Variants in ZNF638 observed in about 807,000 individuals in gnomAD.
ZNF638 encodes the protein CTCL tumor antigen se33-1.
A neutral mutation model predicts 195.6 loss-of-function variants in ZNF638; 46 were observed. That is an observed-to-expected ratio of 0.24 (90% CI 0.19 to 0.30). The LOEUF (loss-of-function observed/expected upper bound fraction) is 0.30, where lower values mean the gene tolerates loss of function less well. Among genes scored for constraint, ZNF638 ranks in the 10% least tolerant of loss-of-function variants. The pLI is 1.00. For synonymous variants in ZNF638, 845 were observed against 772.0 expected (o/e 1.09, Z -1.57); for missense variants, 2,440 against 2,325.3 (o/e 1.05, Z -1.01).
chr2:71,394,801 A>G (rs938397249), intron 10 of ZNF638, among the ~76,000 whole-genome samples: 1 of 152,170 alleles, frequency 6.6e-6, no homozygotes, highest in African/African-American at 2.4e-5. Context: ...GCTTTTGTAG[A>G]TAACTTGGCC....
chr2:71,376,103 G>C (rs917785482), intron 8 of ZNF638: 1 of 152,158 alleles, frequency 6.6e-6, no homozygotes, highest in Non-Finnish European at 1.5e-5. Flanking sequence ...TGATGAAGTT[G>C]GTAAAGTAGC....
At chr2:71,350,774 G>C (rs2078926249) in intron 2 of ZNF638, among the ~76,000 whole-genome samples, 1 of 152,164 alleles carries the variant, frequency 6.6e-6, no homozygotes, top group South Asian at 2.1e-4. Context: ...GTGATTTTTA[G>C]TATTTTTTGA....
At chr2:71,351,880 A>G (rs993526037) in intron 2 of ZNF638, among the ~76,000 whole-genome samples, 23 of 152,168 alleles carry the variant, frequency 1.5e-4, no homozygotes, top group Non-Finnish European at 2.8e-4. Flanking sequence ...TGTAGGGGAC[A>G]GAGATTTCTG....
Position 71,369,987 on chromosome 2 carries a change from A to T in ZNF638, c.2247A>T (p.Pro749=). The part of the protein sequence containing the change: ...IKGKSVKICV[P]GKKKAQNKEV... ...GAAAAAGTGTGAAAATATGTGTTCCAGGAAAGAAAAAAGCACAGGTAATCT... is the reference window on the plus strand; with the variant it reads ...GAAAAAGTGTGAAAATATGTGTTCCTGGAAAGAAAAAAGCACAGGTAATCT... Residue 749 remains proline (P), a synonymous_variant, in exon 8 of 28, where the codon CCA becomes CCT. Coordinates refer to ENST00000264447, the MANE Select transcript of ZNF638 (RefSeq NM_014497.5). 6.3e-7 allele frequency: 1 copy of T among 1,594,826 alleles called. No homozygotes were observed.
At chr2:71,346,216 A>G (rs2078848628) in intron 1 of ZNF638, among the ~76,000 whole-genome samples, 1 of 152,210 alleles carries the variant, frequency 6.6e-6, no homozygotes, top group African/African-American at 2.4e-5. Context: ...ACCAAATGGA[A>G]TAAGTGGTTC....
At chr2:71,391,037 T>C (rs541597744) in intron 10 of ZNF638, among the ~76,000 whole-genome samples, 1 of 152,152 alleles carries the variant, frequency 6.6e-6, no homozygotes, top group Non-Finnish European at 1.5e-5. Flanking sequence ...CAGTGGCCTT[T>C]AAAGGGAGGG....
chr2:71,346,973 G>A (rs557529257), intron 1 of ZNF638, among the ~76,000 whole-genome samples: 10 of 152,100 alleles, frequency 6.6e-5, no homozygotes, highest in South Asian at 4.2e-4. Context: ...GCAGTGAGCC[G>A]AGATTGCGCC....
At chr2:71,426,324 A>T in intron 23 of ZNF638, 136 bp from the exon 24 acceptor site, 1 of 639,612 alleles carries the variant, frequency 1.6e-6, no homozygotes, top group South Asian at 2.5e-5. Context: ...AACAACTCTT[A>T]ATTTTAGCCT....
In ZNF638 at chr2:71,365,674, G is replaced by T; in HGVS notation, c.1963G>T (p.Val655Leu). ...TGACACTTTGTCAGAATGTAAACAG[G>T]TGTCTGATAAAGCTGTTTCTCTCCA... is the stretch of plus-strand genomic sequence containing the variant. The part of the protein sequence containing the change: ...EDDTLSECKQ[V>L]SDKAVSLQRK... Residue 655 changes from valine to leucine, a missense_variant, in exon 6 of 28, where the codon GTG (valine) becomes TTG (leucine). Physicochemically the swap from Val to Leu is conservative, Grantham distance 32 (BLOSUM62 1). Around this residue, in one of 5 missense-constraint regions of ZNF638, gnomAD observed 1,883 missense variants for 1,739.1 expected, o/e 1.08. Coordinates refer to ENST00000264447, the MANE Select transcript of ZNF638 (RefSeq NM_014497.5). 1 of 1,613,438 alleles carries T rather than the reference G, an allele frequency of 6.2e-7. No homozygotes were observed. The highest frequency in any genetic ancestry group is 8.5e-7 in the Non-Finnish European group (1 of 1,179,682).
chr2:71,356,044 C>G (rs2542500), intron 3 of ZNF638, among the ~76,000 whole-genome samples: 14,997 of 152,178 alleles, frequency 0.099, 800 homozygotes, highest in Non-Finnish European at 0.12. Context: ...GCTGGCTTAC[C>G]TTCCCCAGGA....
At chr2:71,381,597 A>G (rs185578330) in intron 10 of ZNF638, among the ~76,000 whole-genome samples, 2 of 152,262 alleles carry the variant, frequency 1.3e-5, no homozygotes, top group East Asian at 3.9e-4. Context: ...CATGCTGAGA[A>G]GTTTTCAAAT....
In ZNF638 at chr2:71,423,773, C is replaced by T; in HGVS notation, c.4259C>T (p.Ser1420Phe). The change falls in exon 22 of 28, where the codon TCT (serine) becomes TTT (phenylalanine). Residue 1420 changes from serine to phenylalanine, a missense_variant. Coordinates refer to ENST00000264447, the MANE Select transcript of ZNF638 (RefSeq NM_014497.5). The stretch of plus-strand genomic sequence containing the variant: ...GAAAATCAGAAAAGTTTTCCAAAAT[C>T]TGTGCCCAGAGATCAAATAAATGCT... ...KTENQKSFPK[S>F]VPRDQINAEK... 6.2e-7 allele frequency: 1 copy of T among 1,614,008 alleles called. No homozygotes were observed. Among genetic ancestry groups the T allele is most frequent in the South Asian group, 1.1e-5 (1 of 91,074 alleles).
chr2:71,377,117 T>TA (rs1028885427), intron 8 of ZNF638, among the ~76,000 whole-genome samples: 2 of 151,896 alleles, frequency 1.3e-5, no homozygotes, highest in Non-Finnish European at 2.9e-5. Context: ...TTCAAAAAAT[T>TA]AAAAAATTGA....
intron 10 of ZNF638, among the ~76,000 whole-genome samples, chr2:71,392,138 T>G (rs1403176412): frequency 2.0e-5 from 3 of 152,232 alleles, no homozygotes; most frequent in African/African-American, 4.8e-5. Context: ...TTCGAAGTAG[T>G]CTTGCTCCAT....
At chr2:71,361,687 A>G (rs1269058306) in intron 3 of ZNF638, 3 of 152,234 alleles carry the variant, frequency 2.0e-5, no homozygotes, top group South Asian at 4.1e-4. Context: ...CAATATATCT[A>G]TTCTCAAAGT....
intron 1 of ZNF638, among the ~76,000 whole-genome samples, chr2:71,341,210 A>G (rs1429619436): frequency 6.6e-6 from 1 of 152,170 alleles, no homozygotes; most frequent in Non-Finnish European, 1.5e-5. Context: ...AGTTTCTACT[A>G]TGTTTCTGAA....
chr2:71,406,109 G>A lies in ZNF638; in HGVS notation c.3001-19G>A, dbSNP rs1443960430. ...CTTCAGCTGTGGTTTTTTCTGTGCT[G>A]TCTCTTAAAAAACTACAGGCAAACA... On this transcript the variant is annotated intron_variant, in intron 18 of 27. Transcript: ENST00000264447. The A allele has an allele frequency of 6.2e-7, 1 of 1,612,090 alleles. No homozygotes were observed.
At chr2:71,433,129 T>C (rs1233341209) in intron 26 of ZNF638, 36 bp from the exon 27 acceptor site, 7 of 1,362,180 alleles carry the variant, frequency 5.1e-6, no homozygotes, top group East Asian at 2.3e-5. Flanking sequence ...AGATTAATTA[T>C]TGTTAATTTT....
At chr2:71,425,451 G>A (rs1177413258) in intron 23 of ZNF638, among the ~76,000 whole-genome samples, 1 of 151,972 alleles carries the variant, frequency 6.6e-6, no homozygotes, top group Non-Finnish European at 1.5e-5. Flanking sequence ...AAATTACAGG[G>A]TACATATTCT....
Sources: gnomAD v4.1 joint callset for allele counts (sites outside exome capture counted in the v4.1 genomes callset) on GRCh38, gnomAD v4.1.1 for gene constraint, gnomAD v4.1.1 regional missense constraint, MANE v1.5 for transcripts, NCBI Gene and HGNC (gene_info 2026-07-23, HGNC 2026-07-21) for gene names.